BIN2: variants seen among roughly 807,000 people sequenced by gnomAD.
The protein encoded by BIN2 is breast cancer associated protein BRAP1.
In BIN2, 43 loss-of-function variants were observed where a neutral mutation model predicts 67.9. The observed-to-expected ratio is 0.63, with a 90% CI of 0.50 to 0.82. BIN2 has a LOEUF of 0.82. Among genes scored for constraint, BIN2 ranks in the 40% least tolerant of loss-of-function variants. The probability of loss-of-function intolerance (pLI) is 0.00; values close to 1 mark genes in which losing one functional copy is unlikely to be tolerated. For missense variants in BIN2, 581 were observed against 671.6 expected (o/e 0.87, Z 1.49); for synonymous variants, 244 against 246.8 (o/e 0.99, Z 0.11).
At chr12:51,307,363 TG>T (rs1201855444) in intron 2 of BIN2, among the ~76,000 whole-genome samples, 1 of 151,734 alleles carries the variant, frequency 6.6e-6, no homozygotes, top group Non-Finnish European at 1.5e-5. Context: ...TACTTCACCA[TG>T]AAAATTTTAT....
intron 2 of BIN2, among the ~76,000 whole-genome samples, chr12:51,310,135 T>C (rs1278357940): frequency 6.6e-6 from 1 of 152,200 alleles, no homozygotes; most frequent in Non-Finnish European, 1.5e-5. Context: ...AAGAATACAA[T>C]AACACCTACT....
At chr12:51,284,866 T>G in intron 11 of BIN2, 79 bp from the exon 12 acceptor site, 4 of 1,046,188 alleles carry the variant, frequency 3.8e-6, no homozygotes, top group Non-Finnish European at 6.0e-6. Flanking sequence ...TTCTGTGCCT[T>G]ATACTTTACA....
chr12:51,298,183 C>A (rs1945620433), intron 7 of BIN2, among the ~76,000 whole-genome samples: 1 of 152,140 alleles, frequency 6.6e-6, no homozygotes, highest in Admixed American at 6.6e-5. Context: ...ACCATCCTGG[C>A]CAACATGGTG....
At chr12:51,300,751 T>C (rs1198319086) in intron 5 of BIN2, among the ~76,000 whole-genome samples, 2 of 152,234 alleles carry the variant, frequency 1.3e-5, no homozygotes, top group Non-Finnish European at 2.9e-5. Flanking sequence ...GAGGCTTCTC[T>C]ATAACATCCA....
chr12:51,299,976 T>G (rs1945679801), intron 5 of BIN2, among the ~76,000 whole-genome samples: 2 of 152,100 alleles, frequency 1.3e-5, no homozygotes, highest in Non-Finnish European at 2.9e-5. Flanking sequence ...GTAGCTGGAA[T>G]TATAGGCATG....
chr12:51,296,915 A>G (rs948498653), intron 8 of BIN2, among the ~76,000 whole-genome samples, 174 bp downstream of exon 8: 4 of 152,232 alleles, frequency 2.6e-5, no homozygotes, highest in African/African-American at 9.6e-5. Flanking sequence ...GATAGTGTAT[A>G]TATGTGTTTC....
At chr12:51,303,602 G>A (rs1945790573) in intron 2 of BIN2, among the ~76,000 whole-genome samples, 1 of 151,946 alleles carries the variant, frequency 6.6e-6, no homozygotes, top group Admixed American at 6.6e-5. Flanking sequence ...CCTTCCATCA[G>A]TCACCTTTTA....
rs1044981 is a variant in BIN2 at position 51,281,082 on chromosome 12, C to T, written c.*417G>A. 10,576 of 174,518 alleles carry T rather than the reference C, an allele frequency of 0.061. 449 individuals are homozygous for T. Among genetic ancestry groups the T allele is most frequent in the Middle Eastern group, 0.088 (34 of 388 alleles). The allele number at this position is 174,518 out of a possible 1,614,324, so 10.8% of individuals were successfully genotyped here. ...TTTAACAATCTGAAAATGTGTTCTT[C>T]CGGCTTTAAGTCTTGCAAAATGGGT... On this transcript the variant is annotated 3_prime_UTR_variant, in exon 13 of 13. Transcript: ENST00000615107.
At position 51,296,968 on chromosome 12, in the gene BIN2, A is replaced by T. The variant is rs977571480; in HGVS notation, c.678+121T>A. 1.7e-5 allele frequency: 15 copies of T among 868,538 alleles called. No homozygotes were observed. In the African/African-American group the frequency reaches 2.0e-4, roughly 12 times the overall value. 53.8% of individuals were successfully genotyped at this position (868,538 alleles called of 1,614,324 possible). On this transcript the variant is annotated intron_variant, in intron 8 of 12. Coordinates refer to ENST00000615107, the MANE Select transcript of BIN2 (RefSeq NM_016293.4). ...AATCAAGTGCTCTTATTTCATCATG[A>T]GAGAAAAGCCAAAATCTGTGGTGCC...
At chr12:51,295,915 TG>T (rs776066936) in intron 8 of BIN2, 37 bp from the exon 9 acceptor site, 1 of 1,568,980 alleles carries the variant, frequency 6.4e-7, no homozygotes, top group Non-Finnish European at 8.8e-7. Context: ...GCTAGCCAAC[TG>T]GGAACCCGAG....
At chr12:51,319,927 A>C (rs1002249273) in intron 1 of BIN2, among the ~76,000 whole-genome samples, 47 of 144,378 alleles carry the variant, frequency 3.3e-4, no homozygotes, top group African/African-American at 1.2e-3. Flanking sequence ...AGGTGCAGTA[A>C]ATTTTTGTGG....
At chr12:51,298,283 A>C (rs1197719948) in intron 7 of BIN2, among the ~76,000 whole-genome samples, 1 of 152,170 alleles carries the variant, frequency 6.6e-6, no homozygotes, top group Non-Finnish European at 1.5e-5. Context: ...GAGGCAGGAG[A>C]ATCGCTTGAA....
intron 2 of BIN2, among the ~76,000 whole-genome samples, chr12:51,307,025 C>T (rs1288769749): frequency 1.3e-5 from 2 of 152,118 alleles, no homozygotes; most frequent in African/African-American, 4.8e-5. Context: ...TGATGCACGC[C>T]TGTAATCCTA....
intron 2 of BIN2, among the ~76,000 whole-genome samples, chr12:51,310,195 G>A (rs1316719392): frequency 6.6e-6 from 1 of 152,138 alleles, no homozygotes; most frequent in African/African-American, 2.4e-5. Context: ...AAGCCTCTAA[G>A]TCTATCCATT....
intron 10 of BIN2, among the ~76,000 whole-genome samples, chr12:51,290,506 A>T (rs1266631007): frequency 6.6e-6 from 1 of 152,056 alleles, no homozygotes; most frequent in African/African-American, 2.4e-5. Context: ...CTGCTCATTA[A>T]CACTACTAGA....
chr12:51,323,306 CCCA>C (rs1218667190), intron 1 of BIN2: 2 of 152,158 alleles, frequency 1.3e-5, no homozygotes. Flanking sequence ...AGAGAATGTC[CCCA>C]CAATTTAGAT....
chr12:51,285,768 C>T (rs1370753837), intron 11 of BIN2, among the ~76,000 whole-genome samples: 2 of 151,962 alleles, frequency 1.3e-5, no homozygotes, highest in South Asian at 2.1e-4. Flanking sequence ...GGATTACAGG[C>T]GCCCACCACC....
chr12:51,310,733 A>G (rs1490751911), intron 2 of BIN2, among the ~76,000 whole-genome samples: 1 of 152,200 alleles, frequency 6.6e-6, no homozygotes, highest in African/African-American at 2.4e-5. Context: ...AGGAAGATGT[A>G]AAATCATAAT....
chr12:51,309,175 T>C (rs1266602325), intron 2 of BIN2, among the ~76,000 whole-genome samples: 2 of 152,000 alleles, frequency 1.3e-5, no homozygotes, highest in African/African-American at 4.8e-5. Flanking sequence ...ATCCCAGCAC[T>C]CAAGGAGTCA....
Sources: allele counts gnomAD v4.1 joint callset (sites outside exome capture counted in the v4.1 genomes callset), GRCh38; gene constraint gnomAD v4.1.1; transcripts MANE v1.5; gene names NCBI Gene and HGNC (gene_info 2026-07-23, HGNC 2026-07-21).